The following SLC35F4 variants were observed in gnomAD, a reference collection of about 807,000 sequenced individuals.
SLC35F4 encodes the protein solute carrier family 35 member F4, also known as chromosome 14 open reading frame 36.
A neutral mutation model predicts 44.2 loss-of-function variants in SLC35F4; 24 were observed. The ratio of observed to expected loss-of-function variants is 0.54; its 90% confidence interval spans 0.39 to 0.76. The LOEUF (loss-of-function observed/expected upper bound fraction) is 0.76, where lower values mean the gene tolerates loss of function less well. Among genes scored for constraint, SLC35F4 ranks in the 30% least tolerant of loss-of-function variants. The probability of loss-of-function intolerance (pLI) is 0.00; values close to 1 mark genes in which losing one functional copy is unlikely to be tolerated. For synonymous variants in SLC35F4, 238 were observed against 223.6 expected (o/e 1.06, Z -0.57); for missense variants, 562 against 586.1 (o/e 0.96, Z 0.42).
At chr14:57,937,569 GAAAAGAGA>G (rs1205462097) in intron 1 of SLC35F4, among the ~76,000 whole-genome samples, 3 of 111,188 alleles carry the variant, frequency 2.7e-5, no homozygotes, top group African/African-American at 9.5e-5. Context: ...GAAAAGAAAA[GAAAAGAGA>G]AAAGAAAAGA....
intron 1 of SLC35F4, among the ~76,000 whole-genome samples, chr14:57,737,126 A>G (rs75247068): frequency 2.3e-5 from 3 of 133,190 alleles, no homozygotes; most frequent in Non-Finnish European, 3.3e-5. Context: ...GTGTGTGTGC[A>G]TGTGTGTGTG....
At chr14:57,915,499 A>G (rs569132145) in intron 1 of SLC35F4, among the ~76,000 whole-genome samples, 12 of 152,262 alleles carry the variant, frequency 7.9e-5, no homozygotes, top group East Asian at 1.9e-4. Flanking sequence ...AAAATCATCT[A>G]TCTTCTTCAC....
intron 1 of SLC35F4, among the ~76,000 whole-genome samples, chr14:57,838,070 C>T (rs1885116677): frequency 6.6e-6 from 1 of 152,080 alleles, no homozygotes; most frequent in Non-Finnish European, 1.5e-5. Context: ...GCCGGTGATA[C>T]TAAGATGACC....
intron 1 of SLC35F4, among the ~76,000 whole-genome samples, chr14:57,848,788 G>A (rs968019074): frequency 3.9e-5 from 6 of 152,166 alleles, no homozygotes; most frequent in East Asian, 1.9e-4. Context: ...TTTGTAGGCC[G>A]TTATAAATGA....
intron 1 of SLC35F4, among the ~76,000 whole-genome samples, chr14:57,649,210 T>C (rs1044207487): frequency 1.3e-5 from 2 of 152,232 alleles, no homozygotes; most frequent in Non-Finnish European, 2.9e-5. Context: ...CACTTTTCTA[T>C]TAGTTTCCTC....
At chr14:57,749,631 C>T (rs1027828272) in intron 1 of SLC35F4, among the ~76,000 whole-genome samples, 2 of 152,194 alleles carry the variant, frequency 1.3e-5, no homozygotes, top group Non-Finnish European at 2.9e-5. Flanking sequence ...GTCCCTGGTA[C>T]AGGGCAGATA....
chr14:57,570,368 T>C (rs955490739), intron 5 of SLC35F4, among the ~76,000 whole-genome samples: 1 of 152,194 alleles, frequency 6.6e-6, no homozygotes, highest in Non-Finnish European at 1.5e-5. Flanking sequence ...CTTATTTTGA[T>C]AGATACTGAA....
At chr14:57,944,456 C>T (rs564452267) in intron 1 of SLC35F4, among the ~76,000 whole-genome samples, 3 of 152,162 alleles carry the variant, frequency 2.0e-5, no homozygotes, top group African/African-American at 4.8e-5. Context: ...ACCGCTTTCC[C>T]ACCCTCACTG....
chr14:57,740,664 C>G (rs989155785), intron 1 of SLC35F4, among the ~76,000 whole-genome samples: 1 of 152,012 alleles, frequency 6.6e-6, no homozygotes, highest in African/African-American at 2.4e-5. Context: ...ATATTTCTAC[C>G]ATAGAGAAAA....
chr14:57,863,928 G>A (rs1373427816), intron 1 of SLC35F4, among the ~76,000 whole-genome samples: 1 of 152,140 alleles, frequency 6.6e-6, no homozygotes, highest in Non-Finnish European at 1.5e-5. Flanking sequence ...TATAGCCTTG[G>A]CCAGTGCTCT....
chr14:57,785,045 G>T (rs979433320), intron 1 of SLC35F4, among the ~76,000 whole-genome samples: 3 of 152,118 alleles, frequency 2.0e-5, no homozygotes, highest in African/African-American at 7.2e-5. Flanking sequence ...TATTGGTAAG[G>T]CTTCCAGCCA....
At chr14:57,728,364 A>G (rs563799798) in intron 1 of SLC35F4, among the ~76,000 whole-genome samples, 3 of 138,274 alleles carry the variant, frequency 2.2e-5, no homozygotes, top group African/African-American at 5.5e-5. Flanking sequence ...TGATTATACT[A>G]TTTTGTTTTA....
chr14:57,679,942 G>A (rs1298289238), intron 1 of SLC35F4, among the ~76,000 whole-genome samples: 1 of 151,974 alleles, frequency 6.6e-6, no homozygotes, highest in Non-Finnish European at 1.5e-5. Context: ...TACTACCAGA[G>A]GCACAAAGAG....
intron 1 of SLC35F4, among the ~76,000 whole-genome samples, chr14:57,744,321 A>C (rs1225988295): frequency 6.6e-6 from 1 of 152,222 alleles, no homozygotes; most frequent in Non-Finnish European, 1.5e-5. Context: ...GTATATCTAG[A>C]AAACCCCTTT....
chr14:57,589,232 G>C lies in SLC35F4; in HGVS notation c.571C>G (p.Pro191Ala). The C allele has an allele frequency of 6.2e-7, 1 of 1,604,624 alleles. No homozygotes were observed. Among genetic ancestry groups the C allele is most frequent in the South Asian group, 1.1e-5 (1 of 89,260 alleles). ...HLATAQEKQS[P>A]MKKFRECSRI... ...GAAACCTACCTGAATTTTTTCATTG[G>C]AGATTGCTTTTCTTGAGCAGTGGCT... The change falls in exon 3 of 8, where the codon CCA (proline) becomes GCA (alanine). Residue 191 changes from proline (P) to alanine (A), a missense_variant. Coordinates refer to ENST00000556826, the MANE Select transcript of SLC35F4 (RefSeq NM_001306087.2).
At chr14:57,965,026 G>T (rs1192639533) in intron 1 of SLC35F4, among the ~76,000 whole-genome samples, 5 of 128,054 alleles carry the variant, frequency 3.9e-5, no homozygotes, top group Non-Finnish European at 8.0e-5. Flanking sequence ...TCAGACAAAG[G>T]TTTCACGACT....
intron 1 of SLC35F4, among the ~76,000 whole-genome samples, chr14:57,790,134 G>A (rs2077878372): frequency 6.6e-6 from 1 of 152,168 alleles, no homozygotes; most frequent in Admixed American, 6.6e-5. Context: ...GTTATTGGAA[G>A]TTCTGGCCAG....
chr14:57,569,359 C>T (rs1302853856), intron 6 of SLC35F4, among the ~76,000 whole-genome samples: 4 of 152,186 alleles, frequency 2.6e-5, no homozygotes, highest in Admixed American at 2.6e-4. Context: ...TCCCTCCCTC[C>T]CTTCCTTCCT....
intron 1 of SLC35F4, among the ~76,000 whole-genome samples, chr14:57,710,061 G>T (rs533533157): frequency 3.9e-4 from 60 of 152,222 alleles, no homozygotes; most frequent in Non-Finnish European, 7.8e-4. Flanking sequence ...GAGACCTTTA[G>T]AGCAGGCCCT....
Sources: gnomAD v4.1 joint callset for allele counts (sites outside exome capture counted in the v4.1 genomes callset) on GRCh38, gnomAD v4.1.1 for gene constraint, MANE v1.5 for transcripts, NCBI Gene and HGNC (gene_info 2026-07-23, HGNC 2026-07-21) for gene names.